PLCZ1: variants seen among roughly 807,000 people sequenced by gnomAD.
PLCZ1 encodes the protein phospholipase C zeta 1.
Under a neutral mutation model 76.8 loss-of-function variants are expected in PLCZ1, and 64 were observed. The observed-to-expected ratio is 0.83, with a 90% CI of 0.68 to 1.03. PLCZ1 has a LOEUF of 1.03. Among genes scored for constraint, PLCZ1 ranks in the 50% least tolerant of loss-of-function variants. The probability of loss-of-function intolerance (pLI) is 0.00; values close to 1 mark genes in which losing one functional copy is unlikely to be tolerated. For synonymous variants in PLCZ1, 248 were observed against 230.8 expected (o/e 1.07, Z -0.68); for missense variants, 751 against 713.7 (o/e 1.05, Z -0.60).
chr12:18,702,908 C>T (rs1474785238), intron 7 of PLCZ1, among the ~76,000 whole-genome samples: 2 of 150,648 alleles, frequency 1.3e-5, no homozygotes, highest in Non-Finnish European at 2.9e-5. Context: ...GCAACCTCCG[C>T]CTCCTGGGTT....
chr12:18,715,657 G>GT (rs1957901994), intron 5 of PLCZ1: 1 of 152,076 alleles, frequency 6.6e-6, no homozygotes, highest in Admixed American at 6.6e-5. Flanking sequence ...GTCTGTTTTT[G>GT]TTTTTGTTTT....
the PLCZ1 span, among the ~76,000 whole-genome samples, chr12:18,655,164 G>A: frequency 3.3e-5 from 5 of 152,124 alleles, no homozygotes; most frequent in Non-Finnish European, 7.4e-5. Flanking sequence ...AAAGGGTTTT[G>A]GAGATCATAC....
downstream of PLCZ1, among the ~76,000 whole-genome samples, chr12:18,680,331 C>A (rs1333032876): frequency 6.6e-6 from 1 of 151,984 alleles, no homozygotes; most frequent in Non-Finnish European, 1.5e-5. Flanking sequence ...CTCCTAGAGG[C>A]TCTGTATAAG....
intron 12 of PLCZ1, among the ~76,000 whole-genome samples, chr12:18,688,972 AG>A (rs1211261641): frequency 6.6e-6 from 1 of 151,952 alleles, no homozygotes; most frequent in Non-Finnish European, 1.5e-5. Flanking sequence ...AAAGGAAAAG[AG>A]GGAAGGAAGG....
intron 6 of PLCZ1, among the ~76,000 whole-genome samples, chr12:18,709,720 GA>G (rs889457841): frequency 1.3e-5 from 2 of 150,742 alleles, no homozygotes; most frequent in East Asian, 2.0e-4. Flanking sequence ...CACCCCAAGG[GA>G]AAAAAAACCC....
rs1321872634 is a variant in PLCZ1, at chr12:18,715,409, TG to T, written c.570-2424del. Among the ~76,000 whole-genome samples the T allele has an allele frequency of 2.5e-3, 381 of 151,614 alleles. 4 individuals are homozygous for T. The highest frequency in any genetic ancestry group is 9.0e-3 in the African/African-American group (372 of 41,316). On this transcript the variant is annotated intron_variant, in intron 5 of 14. Coordinates refer to ENST00000266505, the MANE Select transcript of PLCZ1 (RefSeq NM_033123.4). ...CTTTTGGGGTGTTTGGTTTTTTTTT[TG>T]TTTTTTTTAGAGACAGAGTCTCGCT...
chr12:18,653,272 C>T, the PLCZ1 span, among the ~76,000 whole-genome samples: 1 of 151,906 alleles, frequency 6.6e-6, no homozygotes, highest in Non-Finnish European at 1.5e-5. Context: ...ATTACCCATG[C>T]CAAAAGTGAA....
chr12:18,653,254 A>C, the PLCZ1 span, among the ~76,000 whole-genome samples: 2 of 152,190 alleles, frequency 1.3e-5, no homozygotes, highest in Non-Finnish European at 2.9e-5. Flanking sequence ...AGCCATCATT[A>C]GTCACATATT....
downstream of PLCZ1, among the ~76,000 whole-genome samples, chr12:18,679,994 C>T (rs1306151896): frequency 1.3e-5 from 2 of 151,928 alleles, no homozygotes; most frequent in Non-Finnish European, 2.9e-5. Context: ...AACTATGAAT[C>T]CTATAGAATG....
At chr12:18,729,830 A>G (rs1958946289) in intron 3 of PLCZ1, among the ~76,000 whole-genome samples, 1 of 152,116 alleles carries the variant, frequency 6.6e-6, no homozygotes, top group South Asian at 2.1e-4. Flanking sequence ...CCAAGATCAC[A>G]AAGTTATATT....
chr12:18,716,281 A>C (rs1266404222), intron 5 of PLCZ1, among the ~76,000 whole-genome samples: 2 of 152,082 alleles, frequency 1.3e-5, no homozygotes, highest in Non-Finnish European at 2.9e-5. Flanking sequence ...TATATTGTGA[A>C]AGAAAACTTT....
intron 13 of PLCZ1, 21 bp downstream of exon 13, chr12:18,688,068 T>C (rs1265650003): frequency 1.2e-6 from 2 of 1,608,812 alleles, no homozygotes; most frequent in Non-Finnish European, 1.7e-6. Flanking sequence ...GGAAATTCAA[T>C]AAGGTATATC....
intron 6 of PLCZ1, among the ~76,000 whole-genome samples, chr12:18,710,493 T>C (rs1029472534): frequency 6.6e-6 from 1 of 151,938 alleles, no homozygotes; most frequent in Non-Finnish European, 1.5e-5. Flanking sequence ...TTGTACAAAT[T>C]TCAGCTTTTA....
intron 3 of PLCZ1, among the ~76,000 whole-genome samples, chr12:18,727,622 A>C (rs1251279406): frequency 6.6e-6 from 1 of 152,186 alleles, no homozygotes; most frequent in African/African-American, 2.4e-5. Context: ...GGGAGCAGAT[A>C]AGGCAGGAAG....
At chr12:18,726,299 T>C (rs1227985967) in intron 3 of PLCZ1, among the ~76,000 whole-genome samples, 1 of 152,132 alleles carries the variant, frequency 6.6e-6, no homozygotes, top group Non-Finnish European at 1.5e-5. Context: ...CAACATAAAA[T>C]AAGAGTAATA....
At chr12:18,736,081 T>G (rs1057240777) in intron 3 of PLCZ1, 140 bp downstream of exon 3, 13 of 920,166 alleles carry the variant, frequency 1.4e-5, no homozygotes, top group Middle Eastern at 6.2e-4. Flanking sequence ...TCTACTGAAA[T>G]GCTCTCCATC....
chr12:18,664,092 G>C, the PLCZ1 span, among the ~76,000 whole-genome samples: 1 of 152,128 alleles, frequency 6.6e-6, no homozygotes, highest in African/African-American at 2.4e-5. Context: ...AACCAAACCA[G>C]ACAAACAAAC....
chr12:18,671,863 G>A, the PLCZ1 span, among the ~76,000 whole-genome samples: 17 of 152,058 alleles, frequency 1.1e-4, no homozygotes, highest in Non-Finnish European at 2.2e-4. Context: ...AGATCAAGGC[G>A]CCTGCAGATT....
At chr12:18,723,270 A>C (rs1958551925) in intron 4 of PLCZ1, 41 bp downstream of exon 4, 2 of 1,511,134 alleles carry the variant, frequency 1.3e-6, no homozygotes, top group African/African-American at 2.8e-5. Flanking sequence ...AAAATACTTC[A>C]CATATAAATA....
Sources: allele counts gnomAD v4.1 joint callset (sites outside exome capture counted in the v4.1 genomes callset), GRCh38; gene constraint gnomAD v4.1.1; transcripts MANE v1.5; gene names NCBI Gene and HGNC (gene_info 2026-07-23, HGNC 2026-07-21).